RCC1: variants seen among roughly 807,000 people sequenced by gnomAD.
The protein encoded by RCC1 is regulator of chromosome condensation 1, also known as regulator of chromosome condensation.
RCC1 carries 11 observed loss-of-function variants against 44.4 expected under a neutral mutation model. The ratio of observed to expected loss-of-function variants is 0.25; its 90% confidence interval spans 0.16 to 0.41. The LOEUF (loss-of-function observed/expected upper bound fraction) is 0.41. Ranked by LOEUF, RCC1 falls within the 10% of genes least tolerant of loss-of-function variation. The pLI is 1.00. For synonymous variants in RCC1, 213 were observed against 216.5 expected, an observed-to-expected ratio of 0.98 and a Z score of 0.14; for missense variants, 386 against 547.1, an observed-to-expected ratio of 0.71 and a Z score of 2.94.
intron 7 of RCC1, among the ~76,000 whole-genome samples, chr1:28,533,501 GCTCATGCTTGTAATC>G (rs2124662030): frequency 6.6e-6 from 1 of 150,746 alleles, no homozygotes; most frequent in East Asian, 2.0e-4. Flanking sequence ...GGGCGCAGTA[GCTCATGCTTGTAATC>G]CCAGCACTTT....
At chr1:28,530,378 A>G (rs1664052331) in intron 5 of RCC1, 7 of 682,610 alleles carry the variant, frequency 1.0e-5, no homozygotes, top group Admixed American at 8.1e-5. Flanking sequence ...ATGAGATGAG[A>G]TAATGGCCTG....
At chr1:28,506,594 G>T (rs1372029618) in intron 1 of RCC1, 1 of 192,842 alleles carries the variant, frequency 5.2e-6, no homozygotes, top group East Asian at 1.6e-4. Context: ...GGAGACCTCG[G>T]GACCCGCAGG....
intron 1 of RCC1, chr1:28,507,674 G>A (rs1487522958): frequency 1.1e-5 from 4 of 372,284 alleles, no homozygotes; most frequent in East Asian, 7.3e-5. Flanking sequence ...GCACTCCATT[G>A]CCTCTGCCTC....
intron 4 of RCC1, among the ~76,000 whole-genome samples, chr1:28,523,540 A>C (rs982784342): frequency 6.6e-6 from 1 of 152,104 alleles, no homozygotes; most frequent in African/African-American, 2.4e-5. Flanking sequence ...TGTTCCATCC[A>C]TGATAACAGA....
At position 28,538,135 on chromosome 1, in the gene RCC1, C is replaced by T. The variant is rs1664670973; in HGVS notation, c.*128C>T. The T allele has an allele frequency of 1.3e-6, 1 of 776,376 alleles. No individual in the cohort carries two copies. The highest frequency in any genetic ancestry group is 2.1e-5 in the South Asian group (1 of 48,122). The allele number at this position is 776,376 out of a possible 1,614,324, so 48.1% of individuals were successfully genotyped here. On this transcript the variant is annotated 3_prime_UTR_variant, in exon 13 of 13. Coordinates refer to ENST00000683442, the MANE Select transcript of RCC1 (RefSeq NM_001381865.2). Reference sequence around the variant, plus strand: ...CACTGTGTCAGTTCCTGCCTTTTCTCATCAGCAGAACAGAATCCTTTTCCT... The same window carrying T: ...CACTGTGTCAGTTCCTGCCTTTTCTTATCAGCAGAACAGAATCCTTTTCCT...
chr1:28,532,518 C>T (rs1277974959), intron 7 of RCC1, among the ~76,000 whole-genome samples, 168 bp downstream of exon 7: 2 of 152,230 alleles, frequency 1.3e-5, no homozygotes, highest in Admixed American at 1.3e-4. Flanking sequence ...TCATGTGGGC[C>T]TGTCCACGCC....
At chr1:28,532,917 G>A (rs1029239537) in intron 7 of RCC1, among the ~76,000 whole-genome samples, 3 of 152,236 alleles carry the variant, frequency 2.0e-5, no homozygotes, top group South Asian at 2.1e-4. Context: ...CCAAGTTTAA[G>A]TGATTCTCCT....
rs977700867 is a variant in RCC1, at chr1:28,516,705, CTTATTA to C, written c.-152-13_-152-8del. ...AAATAGGCAATAATAATAATAATCACTTATTATTATTACATGAAGCTACATGAATGT... is the reference window on the plus strand; with the variant it reads ...AAATAGGCAATAATAATAATAATCACTTATTACATGAAGCTACATGAATGT... On this transcript the variant is annotated splice_polypyrimidine_tract_variant and intron_variant, in intron 3 of 12. Coordinates refer to ENST00000683442, the MANE Select transcript of RCC1 (RefSeq NM_001381865.2). The C allele has an allele frequency of 3.2e-4, 116 of 358,838 alleles. No homozygotes were observed. Among genetic ancestry groups the C allele is most frequent in the African/African-American group, 1.9e-3 (90 of 46,218 alleles). 22.2% of individuals were successfully genotyped at this position (358,838 alleles called of 1,614,324 possible). A position where few individuals can be genotyped will look rare whatever the true frequency, so the allele number is the denominator to read the frequency against.
chr1:28,521,501 GAAAAAAAAAAA>G (rs71586849), intron 4 of RCC1, among the ~76,000 whole-genome samples: 1 of 56,814 alleles, frequency 1.8e-5, no homozygotes, highest in Non-Finnish European at 4.5e-5. Flanking sequence ...CTCCACCTCA[GAAAAAAAAAAA>G]AAAAAAAAAA....
chr1:28,536,256 C>T lies in RCC1; in HGVS notation c.818-6C>T, dbSNP rs369723763. The stretch of plus-strand genomic sequence containing the variant: ...TCACCCCTGATGGCTCCGGCCTTTC[C>T]CCCAGGAACTCCGGGCACAGAATCT... On this transcript the variant is annotated splice_region_variant and splice_polypyrimidine_tract_variant and intron_variant, in intron 10 of 12. Coordinates refer to ENST00000683442, the MANE Select transcript of RCC1 (RefSeq NM_001381865.2). The surrounding 1 kb of genome is among the most constrained non-coding windows in gnomAD (Gnocchi z 4.9). 2.5e-6 allele frequency: 4 copies of T among 1,613,594 alleles called. No individual in the cohort carries two copies. The highest frequency in any genetic ancestry group is 3.4e-6 in the Non-Finnish European group (4 of 1,179,786).
chr1:28,535,384 A>AGTGGCCTTGGTAC lies in RCC1; in HGVS notation c.661+5_661+17dup. The AGTGGCCTTGGTAC allele has an allele frequency of 6.2e-7, 1 of 1,613,968 alleles. No individual in the cohort carries two copies. The highest frequency in any genetic ancestry group is 8.5e-7 in the Non-Finnish European group (1 of 1,179,956). On this transcript the variant is annotated splice_donor_region_variant and intron_variant, in intron 9 of 12. Coordinates refer to ENST00000683442, the MANE Select transcript of RCC1 (RefSeq NM_001381865.2). ...CGTGGTGGCCGGCAAGGCCTCGGTA[A>AGTGGCCTTGGTAC]GTGGCCTTGGTACCTCCAGCAGGGC...
At chr1:28,512,077 C>A (rs1230030211) in intron 3 of RCC1, among the ~76,000 whole-genome samples, 2 of 149,438 alleles carry the variant, frequency 1.3e-5, no homozygotes, top group Non-Finnish European at 3.0e-5. Flanking sequence ...TGGGTTCAAG[C>A]GATTCTCCTG....
intron 4 of RCC1, chr1:28,527,341 G>A (rs1663735098): frequency 2.0e-6 from 1 of 504,468 alleles, no homozygotes; most frequent in Non-Finnish European, 3.6e-6. Context: ...CCAGGCTCAC[G>A]CCATCCTCCC....
intron 2 of RCC1, chr1:28,508,383 G>A: frequency 3.1e-6 from 1 of 321,276 alleles, no homozygotes; most frequent in Non-Finnish European, 5.9e-6. Context: ...GCTTTTTTTA[G>A]TCAGCTCATT....
intron 7 of RCC1, among the ~76,000 whole-genome samples, chr1:28,533,587 A>G (rs942021027): frequency 1.3e-5 from 2 of 149,310 alleles, no homozygotes; most frequent in African/African-American, 4.9e-5. Flanking sequence ...CCTGACCAAC[A>G]TGGAGAAACC....
intron 4 of RCC1, among the ~76,000 whole-genome samples, chr1:28,519,672 A>G (rs1188814653): frequency 6.6e-6 from 1 of 151,322 alleles, no homozygotes; most frequent in African/African-American, 2.4e-5. Flanking sequence ...GGTTCAAGCA[A>G]TTCTGCCTCA....
intron 4 of RCC1, among the ~76,000 whole-genome samples, chr1:28,517,895 T>C (rs1662988405): frequency 6.6e-6 from 1 of 152,094 alleles, no homozygotes; most frequent in Non-Finnish European, 1.5e-5. Context: ...CGTTGTGTGG[T>C]TGTTGATAGT....
In RCC1 at chr1:28,536,935, C is replaced by A; in HGVS notation, c.1090+36C>A. The A allele has an allele frequency of 6.2e-7, 1 of 1,610,570 alleles. No homozygotes were observed. Among genetic ancestry groups the A allele is most frequent in the South Asian group, 1.1e-5 (1 of 90,912 alleles). Reference sequence around the variant, plus strand: ...CTGCCTACACTCTGTCTAGTTGGGACCTGGGGGTCATGGTTCTTACCCAAT... The same window carrying A: ...CTGCCTACACTCTGTCTAGTTGGGAACTGGGGGTCATGGTTCTTACCCAAT... On this transcript the variant is annotated intron_variant, in intron 12 of 12. Transcript: ENST00000683442. The surrounding 1 kb of genome is among the most constrained non-coding windows in gnomAD (Gnocchi z 4.9).
intron 3 of RCC1, among the ~76,000 whole-genome samples, chr1:28,513,585 CT>C (rs563107845): frequency 7.9e-4 from 115 of 146,398 alleles, no homozygotes; most frequent in South Asian, 3.9e-3. Flanking sequence ...AGGCTATTTA[CT>C]TTTTTTTTTT....
Sources: gnomAD v4.1 joint callset for allele counts (sites outside exome capture counted in the v4.1 genomes callset) on GRCh38, gnomAD v4.1.1 for gene constraint, Gnocchi (gnomAD v3.1) non-coding constraint, MANE v1.5 for transcripts, NCBI Gene and HGNC (gene_info 2026-07-23, HGNC 2026-07-21) for gene names.